Variants in ZCCHC7 observed in about 807,000 individuals in gnomAD.
ZCCHC7 encodes zinc finger CCHC domain-containing protein 7.
A neutral mutation model predicts 52.0 loss-of-function variants in ZCCHC7; 35 were observed. The observed-to-expected ratio is 0.67, with a 90% CI of 0.51 to 0.89. The LOEUF (loss-of-function observed/expected upper bound fraction) is 0.89. ZCCHC7 is among the 40% of genes least tolerant of loss of function. The pLI is 0.00. For missense variants in ZCCHC7, 574 were observed against 649.1 expected (o/e 0.88, Z 1.26); for synonymous variants, 217 against 221.5 (o/e 0.98, Z 0.18).
At chr9:37,288,435 C>T (rs1828367874) in intron 2 of ZCCHC7, among the ~76,000 whole-genome samples, 1 of 150,784 alleles carries the variant, frequency 6.6e-6, no homozygotes, top group South Asian at 2.1e-4. Context: ...TCCTTCTATA[C>T]CAAGTCATGT....
intron 2 of ZCCHC7, among the ~76,000 whole-genome samples, chr9:37,235,049 T>C (rs1825579400): frequency 6.6e-6 from 1 of 152,234 alleles, no homozygotes; most frequent in African/African-American, 2.4e-5. Flanking sequence ...GGTAGTAGTG[T>C]ATCCATCACC....
At position 37,126,742 on chromosome 9, in the gene ZCCHC7, T is replaced by C; in HGVS notation, c.410T>C (p.Ile137Thr). ...GTTGATAAGAAATGCAAGAGTGATA[T>C]TGAGAAGCCTAAATCTGAAGAGAGA... ...ELVDKKCKSD[I>T]EKPKSEERSG... is the part of the protein sequence containing the mutation. Residue 137 changes from isoleucine to threonine, a missense_variant, in exon 2 of 9, where the codon ATT becomes ACT. Around this residue, in one of 3 missense-constraint regions of ZCCHC7, gnomAD observed 403 missense variants for 461.2 expected, o/e 0.87. Coordinates refer to ENST00000336755, the MANE Select transcript of ZCCHC7 (RefSeq NM_032226.3). The C allele has an allele frequency of 1.9e-6, 3 of 1,614,162 alleles. No homozygotes were observed. Among genetic ancestry groups the C allele is most frequent in the Non-Finnish European group, 2.5e-6 (3 of 1,180,036 alleles).
intron 6 of ZCCHC7, among the ~76,000 whole-genome samples, chr9:37,343,480 C>CT (rs2118518568): frequency 6.6e-6 from 1 of 152,250 alleles, no homozygotes; most frequent in African/African-American, 2.4e-5. Flanking sequence ...CTCGCAGTGT[C>CT]TATTACAATG....
At chr9:37,273,468 A>G (rs908474433) in intron 2 of ZCCHC7, among the ~76,000 whole-genome samples, 1 of 152,148 alleles carries the variant, frequency 6.6e-6, no homozygotes, top group Non-Finnish European at 1.5e-5. Flanking sequence ...GCGCCACTGC[A>G]CTCCAGCCTG....
intron 5 of ZCCHC7, chr9:37,322,426 T>C (rs1372922201): frequency 6.6e-6 from 1 of 152,052 alleles, no homozygotes; most frequent in African/African-American, 2.4e-5. Flanking sequence ...CATTAAACAA[T>C]GTTTAAGCAT....
chr9:37,161,752 G>A (rs932684065), intron 2 of ZCCHC7, among the ~76,000 whole-genome samples: 2 of 152,220 alleles, frequency 1.3e-5, no homozygotes, highest in South Asian at 2.1e-4. Flanking sequence ...AGCTCAGATC[G>A]TCATAGCTAC....
intron 6 of ZCCHC7, among the ~76,000 whole-genome samples, chr9:37,328,204 G>A (rs1830325641): frequency 6.6e-6 from 1 of 151,960 alleles, no homozygotes; most frequent in African/African-American, 2.4e-5. Context: ...TCAGTCCACA[G>A]TATCTTCAGT....
Position 37,130,668 on chromosome 9 carries a change from A to AT in ZCCHC7, c.610+3735dup, listed in dbSNP as rs922989898. 2.6e-4 allele frequency among the ~76,000 whole-genome samples: 39 copies of AT among 148,340 alleles called. No individual in the cohort carries two copies. The East Asian group carries it at 5.2e-3, about 20-fold the overall frequency. ...CCACCACGCCTGGCTAATTTTTTGT[A>AT]TTTTTTTTTAGTAGAGACGGGGTTT... On this transcript the variant is annotated intron_variant, in intron 2 of 8. Coordinates refer to ENST00000336755, the MANE Select transcript of ZCCHC7 (RefSeq NM_032226.3).
At chr9:37,272,491 T>TG (rs1554722175) in intron 2 of ZCCHC7, among the ~76,000 whole-genome samples, 1 of 97,828 alleles carries the variant, frequency 1.0e-5, no homozygotes, top group Non-Finnish European at 2.1e-5. Context: ...AGCTGTGTGG[T>TG]AAAAAAAAAA....
At chr9:37,329,225 AAGT>A (rs1415662413) in intron 6 of ZCCHC7, among the ~76,000 whole-genome samples, 1 of 151,762 alleles carries the variant, frequency 6.6e-6, no homozygotes, top group Non-Finnish European at 1.5e-5. Flanking sequence ...GAAGTGTAGG[AAGT>A]ATGATTTTAA....
At chr9:37,134,182 T>C (rs1306806006) in intron 2 of ZCCHC7, among the ~76,000 whole-genome samples, 2 of 152,200 alleles carry the variant, frequency 1.3e-5, no homozygotes, top group Non-Finnish European at 2.9e-5. Flanking sequence ...TTCGATCCAA[T>C]CCAGGTATTG....
At chr9:37,285,266 A>G (rs1187133976) in intron 2 of ZCCHC7, among the ~76,000 whole-genome samples, 1 of 152,200 alleles carries the variant, frequency 6.6e-6, no homozygotes, top group Non-Finnish European at 1.5e-5. Flanking sequence ...ATTGAAGCTG[A>G]GAGAAAGAGA....
In ZCCHC7 at chr9:37,237,901, C is replaced by T. The variant is rs190094404; in HGVS notation, c.611-64287C>T. 3.3e-3 allele frequency among the ~76,000 whole-genome samples: 503 copies of T among 152,076 alleles called. 10 individuals carry two copies. The highest frequency in any genetic ancestry group is 1.2e-3 in the Non-Finnish European group (82 of 67,968). ...GACATTTAAAGAAAACACTAATGAT[C>T]GTAATCCCTTCTATGTATAATTCTT... On this transcript the variant is annotated intron_variant, in intron 2 of 8. Transcript: ENST00000336755.
chr9:37,331,303 C>T (rs1169519614), intron 6 of ZCCHC7, among the ~76,000 whole-genome samples: 1 of 151,534 alleles, frequency 6.6e-6, no homozygotes. Flanking sequence ...CACAGTTTGT[C>T]AGGGTATATC....
At chr9:37,184,050 A>G (rs749920523) in intron 2 of ZCCHC7, among the ~76,000 whole-genome samples, 1 of 152,140 alleles carries the variant, frequency 6.6e-6, no homozygotes, top group Admixed American at 6.5e-5. Flanking sequence ...GTGTTTTTCC[A>G]GATGTGTTTT....
At chr9:37,352,202 T>G (rs1372299177) in intron 7 of ZCCHC7, among the ~76,000 whole-genome samples, 2 of 152,238 alleles carry the variant, frequency 1.3e-5, no homozygotes, top group Non-Finnish European at 2.9e-5. Flanking sequence ...AATAGGGAAC[T>G]ATGCAGGTGG....
At chr9:37,270,990 A>G (rs1361466607) in intron 2 of ZCCHC7, among the ~76,000 whole-genome samples, 1 of 152,124 alleles carries the variant, frequency 6.6e-6, no homozygotes, top group Non-Finnish European at 1.5e-5. Context: ...TACCCGAATG[A>G]GGGGGAGGTT....
chr9:37,238,345 T>C (rs1171509362), intron 2 of ZCCHC7, among the ~76,000 whole-genome samples: 1 of 152,206 alleles, frequency 6.6e-6, no homozygotes, highest in African/African-American at 2.4e-5. Context: ...TGTAGGTTTC[T>C]CTGAGGTGAT....
intron 2 of ZCCHC7, among the ~76,000 whole-genome samples, chr9:37,283,203 T>C (rs1021775530): frequency 1.3e-5 from 2 of 152,192 alleles, no homozygotes; most frequent in Non-Finnish European, 2.9e-5. Flanking sequence ...CTTTTCTCTT[T>C]CATGGAGTTC....
Sources: allele counts gnomAD v4.1 joint callset (sites outside exome capture counted in the v4.1 genomes callset), GRCh38; gene constraint gnomAD v4.1.1; regional missense constraint gnomAD v4.1.1; transcripts MANE v1.5; gene names NCBI Gene and HGNC (gene_info 2026-07-23, HGNC 2026-07-21).